Variants in STX19 observed in about 807,000 individuals in gnomAD.
STX19 encodes the protein syntaxin-19.
Under a neutral mutation model 24.3 loss-of-function variants are expected in STX19, and 26 were observed. That is an observed-to-expected ratio of 1.07 (90% CI 0.78 to 1.48). The LOEUF (loss-of-function observed/expected upper bound fraction) is 1.48. STX19 is among the 40% of genes most tolerant of loss of function. STX19 has a pLI of 0.00. For missense variants in STX19, 367 were observed against 331.9 expected (o/e 1.11, Z -0.82); for synonymous variants, 116 against 106.9 (o/e 1.09, Z -0.52).
At chr3:94,015,349 T>C in intron 1 of STX19, 67 bp from the exon 2 acceptor site, 1 of 1,230,968 alleles carries the variant, frequency 8.1e-7, no homozygotes, top group Non-Finnish European at 1.1e-6. Context: ...AGCAGTTGAC[T>C]TCACATAACT....
At chr3:94,015,765 A>G (rs771473484) in intron 1 of STX19, among the ~76,000 whole-genome samples, 16 of 152,180 alleles carry the variant, frequency 1.1e-4, no homozygotes, top group Non-Finnish European at 2.1e-4. Context: ...TACAGATTTT[A>G]TATGAGAACG....
At chr3:94,023,100 C>T (rs2076484093) in intron 1 of STX19, among the ~76,000 whole-genome samples, 1 of 151,762 alleles carries the variant, frequency 6.6e-6, no homozygotes, top group Admixed American at 6.6e-5. Context: ...GGTTTATCTC[C>T]TTGATTTGGG....
intron 1 of STX19, 94 bp downstream of exon 1, chr3:94,028,270 CATT>C (rs1445601919): frequency 6.6e-6 from 1 of 152,150 alleles, no homozygotes; most frequent in Non-Finnish European, 1.5e-5. Flanking sequence ...AAGTAACCCT[CATT>C]ATTTGTTGAG....
At chr3:94,018,220 G>A (rs1380592219) in intron 1 of STX19, among the ~76,000 whole-genome samples, 6 of 144,460 alleles carry the variant, frequency 4.2e-5, no homozygotes, top group African/African-American at 1.6e-4. Context: ...TTTAAAAGAT[G>A]TTGTTGCTTT....
chr3:94,014,786 A>G lies in STX19; in HGVS notation c.484T>C (p.Cys162Arg), dbSNP rs1171772397. ...NDTIAAKQEK[C>R]KTFILRQLEV... ...AGCTGACGTAAAATAAATGTCTTGC[A>G]CTTCTCTTGCTTTGCTGCTATTGTG... Residue 162 changes from cysteine (C) to arginine (R), a missense_variant, in exon 2 of 2, where the codon TGC (cysteine) becomes CGC (arginine). Coordinates refer to ENST00000315099, the MANE Select transcript of STX19 (RefSeq NM_001001850.3). 6.2e-6 allele frequency: 10 copies of G among 1,613,862 alleles called. No homozygotes were observed. In the African/African-American group the frequency reaches 1.1e-4, roughly 17 times the overall value.
At chr3:94,022,652 T>A (rs886214617) in intron 1 of STX19, among the ~76,000 whole-genome samples, 1 of 152,126 alleles carries the variant, frequency 6.6e-6, no homozygotes, top group African/African-American at 2.4e-5. Flanking sequence ...AATAATTTTT[T>A]AAATTATTTC....
chr3:94,025,809 G>C (rs2076544275), intron 1 of STX19, among the ~76,000 whole-genome samples: 1 of 152,160 alleles, frequency 6.6e-6, no homozygotes, highest in Admixed American at 6.6e-5. Flanking sequence ...CAAGTCAACA[G>C]AGTTATTCCT....
At chr3:94,027,316 G>A (rs180781827) in intron 1 of STX19, among the ~76,000 whole-genome samples, 4 of 152,068 alleles carry the variant, frequency 2.6e-5, no homozygotes, top group Non-Finnish European at 4.4e-5. Flanking sequence ...ATTGCAAATT[G>A]CATATATTGT....
At chr3:94,018,655 AAT>A (rs2076383434) in intron 1 of STX19, among the ~76,000 whole-genome samples, 1 of 152,122 alleles carries the variant, frequency 6.6e-6, no homozygotes, top group African/African-American at 2.4e-5. Flanking sequence ...GCTGCATTTG[AAT>A]GCCTCTATCC....
chr3:94,021,454 C>G (rs1441605870), intron 1 of STX19, among the ~76,000 whole-genome samples: 1 of 152,042 alleles, frequency 6.6e-6, no homozygotes, highest in South Asian at 2.1e-4. Flanking sequence ...CTCAGCCTCC[C>G]AAAGTGCTGG....
intron 1 of STX19, among the ~76,000 whole-genome samples, chr3:94,026,196 T>A (rs548017827): frequency 1.3e-5 from 2 of 152,236 alleles, no homozygotes; most frequent in Admixed American, 1.3e-4. Context: ...ACTTTTTATA[T>A]TTTTAGTAGA....
intron 1 of STX19, 41 bp from the exon 2 acceptor site, chr3:94,015,323 G>T: frequency 6.9e-7 from 1 of 1,456,478 alleles, no homozygotes; most frequent in South Asian, 1.5e-5. Context: ...GTAGAAATTT[G>T]GTATTTTTCC....
rs551525558 is a variant in STX19, at chr3:94,021,665, T to G, written c.-13-6383A>C. Among the ~76,000 whole-genome samples, 6 of 152,318 alleles carry G rather than the reference T, an allele frequency of 3.9e-5. No individual in the cohort carries two copies. The South Asian group carries it at 1.2e-3, about 32-fold the overall frequency. ...ATAAGAACTAGTCTTCTTTTCAGTATAGAGAAAATTTGATGTTAAAGTAGG... is the reference window on the plus strand; with the variant it reads ...ATAAGAACTAGTCTTCTTTTCAGTAGAGAGAAAATTTGATGTTAAAGTAGG... On this transcript the variant is annotated intron_variant, in intron 1 of 1. Transcript: ENST00000315099.
intron 1 of STX19, among the ~76,000 whole-genome samples, chr3:94,021,169 G>A (rs140552917): frequency 7.3e-4 from 108 of 148,620 alleles, no homozygotes; most frequent in African/African-American, 2.2e-3. Flanking sequence ...TTTGTCTTTC[G>A]TGTTTAATAT....
chr3:94,026,500 A>G (rs1700951353), intron 1 of STX19, among the ~76,000 whole-genome samples: 1 of 152,182 alleles, frequency 6.6e-6, no homozygotes, highest in Non-Finnish European at 1.5e-5. Context: ...TACATTTTCT[A>G]GTAGTTGCAT....
intron 1 of STX19, among the ~76,000 whole-genome samples, chr3:94,018,746 A>G (rs2076385471): frequency 6.6e-6 from 1 of 152,068 alleles, no homozygotes; most frequent in South Asian, 2.1e-4. Flanking sequence ...CCAGTTGCTC[A>G]GACCAGAGAC....
intron 1 of STX19, among the ~76,000 whole-genome samples, chr3:94,021,677 G>A (rs929254746): frequency 6.6e-6 from 1 of 152,092 alleles, no homozygotes; most frequent in African/African-American, 2.4e-5. Flanking sequence ...GAGAAAATTT[G>A]ATGTTAAAGT....
At chr3:94,017,788 GT>G (rs1336882095) in intron 1 of STX19, among the ~76,000 whole-genome samples, 5 of 152,128 alleles carry the variant, frequency 3.3e-5, no homozygotes, top group African/African-American at 1.2e-4. Flanking sequence ...GGAGTGTATT[GT>G]AGGTCTAGGA....
At chr3:94,018,063 T>C (rs1283653553) in intron 1 of STX19, among the ~76,000 whole-genome samples, 1 of 152,162 alleles carries the variant, frequency 6.6e-6, no homozygotes, top group East Asian at 1.9e-4. Flanking sequence ...GATATGTAAT[T>C]TAAAAAAATT....
Sources: allele counts gnomAD v4.1 joint callset (sites outside exome capture counted in the v4.1 genomes callset), GRCh38; gene constraint gnomAD v4.1.1; transcripts MANE v1.5; gene names NCBI Gene and HGNC (gene_info 2026-07-23, HGNC 2026-07-21).